WDFY4: variants seen among roughly 807,000 people sequenced by gnomAD.
The protein encoded by WDFY4 is WDFY family member 4, also known as WD repeat- and FYVE domain-containing protein 4.
A neutral mutation model predicts 351.9 loss-of-function variants in WDFY4; 169 were observed. The observed-to-expected ratio is 0.48, with a 90% CI of 0.42 to 0.55. WDFY4 has a LOEUF of 0.55. Ranked by LOEUF, WDFY4 falls within the 20% of genes least tolerant of loss-of-function variation. The pLI, the probability that WDFY4 is intolerant of heterozygous loss-of-function variation, is 0.00. For missense variants in WDFY4, 3,803 were observed against 3,935.6 expected (o/e 0.97, Z 0.90); for synonymous variants, 1,622 against 1,574.6 (o/e 1.03, Z -0.71).
intron 39 of WDFY4, among the ~76,000 whole-genome samples, chr10:48,864,056 T>A (rs1440220723): frequency 1.3e-5 from 2 of 152,180 alleles, no homozygotes; most frequent in Non-Finnish European, 2.9e-5. Context: ...TTTGGGGGAT[T>A]GCAATTCAAG....
chr10:48,886,416 G>C (rs1439962178), intron 43 of WDFY4, among the ~76,000 whole-genome samples: 1 of 152,128 alleles, frequency 6.6e-6, no homozygotes, highest in Non-Finnish European at 1.5e-5. Context: ...TTAAGAGATG[G>C]GGTCTTTAAG....
At chr10:48,874,826 C>T (rs11101543) in intron 41 of WDFY4, among the ~76,000 whole-genome samples, 3,713 of 152,276 alleles carry the variant, frequency 0.024, 157 homozygotes, top group African/African-American at 0.084. Flanking sequence ...CTAATCCCAT[C>T]TGGGCCTCTT....
chr10:48,828,414 A>C (rs1238803152), intron 36 of WDFY4, among the ~76,000 whole-genome samples: 2 of 152,208 alleles, frequency 1.3e-5, no homozygotes, highest in African/African-American at 2.4e-5. Context: ...GCCCCATTCA[A>C]GCAGGATGAA....
At chr10:48,926,437 G>A (rs907961056) in intron 47 of WDFY4, among the ~76,000 whole-genome samples, 1 of 152,198 alleles carries the variant, frequency 6.6e-6, no homozygotes, top group African/African-American at 2.4e-5. Context: ...GAAGGATGGT[G>A]TGCACTCTGG....
intron 20 of WDFY4, among the ~76,000 whole-genome samples, chr10:48,788,138 C>T (rs1053935251): frequency 1.3e-5 from 2 of 151,876 alleles, no homozygotes; most frequent in African/African-American, 4.8e-5. Flanking sequence ...AGCCATTCTC[C>T]TGCCTCAGCC....
At chr10:48,811,473 C>T (rs2067444333) in intron 29 of WDFY4, 66 bp from the exon 30 acceptor site, 2 of 1,461,972 alleles carry the variant, frequency 1.4e-6, no homozygotes, top group Non-Finnish European at 1.9e-6. Context: ...CTTTGTGTGT[C>T]CAGGCCCCAC....
At chr10:48,742,156 A>G (rs1421227461) in intron 11 of WDFY4, among the ~76,000 whole-genome samples, 3 of 152,140 alleles carry the variant, frequency 2.0e-5, no homozygotes, top group Non-Finnish European at 4.4e-5. Flanking sequence ...GTTTGATTTT[A>G]GAAGGAAATA....
chr10:48,729,745 G>A (rs1016291437), intron 8 of WDFY4, among the ~76,000 whole-genome samples, 156 bp downstream of exon 8: 1 of 152,112 alleles, frequency 6.6e-6, no homozygotes, highest in Non-Finnish European at 1.5e-5. Flanking sequence ...ATCTCCCATG[G>A]GACTTAGTGG....
chr10:48,826,622 G>A (rs1188804516), intron 35 of WDFY4, 49 bp from the exon 36 acceptor site: 1 of 1,415,172 alleles, frequency 7.1e-7, no homozygotes, highest in East Asian at 2.5e-5. Context: ...ATCTAAAATT[G>A]TAAAGCACTC....
intron 28 of WDFY4, among the ~76,000 whole-genome samples, chr10:48,809,464 C>T (rs920112084): frequency 3.9e-5 from 6 of 151,936 alleles, no homozygotes; most frequent in Non-Finnish European, 1.5e-5. Context: ...GCATCTTCAC[C>T]ACCAGCATCA....
intron 39 of WDFY4, among the ~76,000 whole-genome samples, chr10:48,863,463 C>A (rs1210877644): frequency 6.6e-6 from 1 of 152,154 alleles, no homozygotes; most frequent in Non-Finnish European, 1.5e-5. Context: ...CACTAAGCAC[C>A]TTTTCACCTG....
intron 47 of WDFY4, among the ~76,000 whole-genome samples, chr10:48,938,472 C>A (rs950542519): frequency 3.9e-5 from 6 of 152,266 alleles, no homozygotes; most frequent in African/African-American, 1.4e-4. Context: ...CCACAGGCTG[C>A]TCTGCCAGCC....
Position 48,806,076 on chromosome 10 carries a change from C to T in WDFY4, c.4719C>T (p.Ala1573=). 1 of 1,551,628 alleles carries T rather than the reference C, an allele frequency of 6.4e-7. No homozygotes were observed. The highest frequency in any genetic ancestry group is 8.7e-7 in the Non-Finnish European group (1 of 1,146,972). Residue 1573 remains alanine, a synonymous_variant, in exon 27 of 62, where the codon GCC becomes GCT. Coordinates refer to ENST00000325239, the MANE Select transcript of WDFY4 (RefSeq NM_001394531.1). ...VNERQICMDG[A]LDPSLPAGSQ... ...AGAGGCAGATCTGCATGGACGGAGC[C>T]CTGGACCCTTCCCTGCCTGGTGAGA... is the stretch of plus-strand genomic sequence containing the variant.
chr10:48,691,110 C>A (rs1391836627), intron 1 of WDFY4, among the ~76,000 whole-genome samples: 3 of 152,212 alleles, frequency 2.0e-5, no homozygotes, highest in Non-Finnish European at 4.4e-5. Context: ...GGCTCCTGAT[C>A]CTCACTGGGT....
chr10:48,793,531 A>G (rs1001716995), intron 23 of WDFY4, among the ~76,000 whole-genome samples: 24 of 151,732 alleles, frequency 1.6e-4, no homozygotes, highest in Non-Finnish European at 2.9e-4. Context: ...ATAAAATGCA[A>G]CCTCCATCCT....
At chr10:48,944,869 A>G (rs1312513379) in intron 49 of WDFY4, among the ~76,000 whole-genome samples, 1 of 152,210 alleles carries the variant, frequency 6.6e-6, no homozygotes, top group Non-Finnish European at 1.5e-5. Flanking sequence ...TATCTTTTGG[A>G]AAACGGTGAG....
intron 12 of WDFY4, among the ~76,000 whole-genome samples, chr10:48,752,074 A>G (rs1056279572): frequency 2.6e-5 from 4 of 152,140 alleles, no homozygotes; most frequent in African/African-American, 7.2e-5. Context: ...GCCGTCTGGG[A>G]ACACCAGGTC....
At chr10:48,782,956 A>T (rs1189536880) in intron 19 of WDFY4, among the ~76,000 whole-genome samples, 3 of 152,134 alleles carry the variant, frequency 2.0e-5, no homozygotes, top group African/African-American at 4.8e-5. Flanking sequence ...TGGGAGAGAG[A>T]GGAGGACTCT....
intron 55 of WDFY4, chr10:48,968,052 A>G (rs1441585261): frequency 1.3e-5 from 2 of 152,244 alleles, no homozygotes; most frequent in Admixed American, 6.5e-5. Context: ...ATCAACAGTA[A>G]CAAGGGAGCT....
Sources: allele counts gnomAD v4.1 joint callset (sites outside exome capture counted in the v4.1 genomes callset), GRCh38; gene constraint gnomAD v4.1.1; transcripts MANE v1.5; gene names NCBI Gene and HGNC (gene_info 2026-07-23, HGNC 2026-07-21).